PTPRG: variants seen among roughly 807,000 people sequenced by gnomAD.
PTPRG encodes protein tyrosine phosphatase receptor type G.
In PTPRG, 102 loss-of-function variants were observed where a neutral mutation model predicts 165.3. That is an observed-to-expected ratio of 0.62 (90% confidence interval 0.53 to 0.73). PTPRG has a LOEUF of 0.73. Among genes scored for constraint, PTPRG ranks in the 30% least tolerant of loss-of-function variants. The probability of loss-of-function intolerance (pLI) is 0.00; values close to 1 mark genes in which losing one functional copy is unlikely to be tolerated. For missense variants in PTPRG, 1,866 were observed against 1,861.4 expected (o/e 1.00, Z -0.05); for synonymous variants, 675 against 669.5 (o/e 1.01, Z -0.13).
At chr3:61,743,498 C>A (rs2033082477) in intron 1 of PTPRG, among the ~76,000 whole-genome samples, 1 of 149,528 alleles carries the variant, frequency 6.7e-6, no homozygotes, top group East Asian at 2.4e-4. Context: ...TTTGTCAGGC[C>A]ATGGGTGTCT....
intron 4 of PTPRG, among the ~76,000 whole-genome samples, chr3:62,030,899 G>T (rs763182027): frequency 6.6e-6 from 1 of 152,196 alleles, no homozygotes; most frequent in Non-Finnish European, 1.5e-5. Context: ...ATCTAAAGCA[G>T]ATGCTTTAGA....
intron 28 of PTPRG, 52 bp from the exon 29 acceptor site, chr3:62,292,369 T>G: frequency 6.4e-7 from 1 of 1,554,790 alleles, no homozygotes; most frequent in Non-Finnish European, 8.7e-7. Flanking sequence ...CATTTCAATA[T>G]ATTTGGTCCC....
At position 62,146,996 on chromosome 3, in the gene PTPRG, T is replaced by C. The variant is rs544222721; in HGVS notation, c.683-10071T>C. Among the ~76,000 whole-genome samples the C allele has an allele frequency of 1.9e-4, 29 of 152,330 alleles. 1 individual carries two copies. The South Asian group carries it at 5.8e-3, about 30-fold the overall frequency. The stretch of plus-strand genomic sequence containing the variant: ...GTGCTGGGGATAAGGTCAGGAGGCA[T>C]GGTCTTGCTGTAACAGAGCCTACAA... On this transcript the variant is annotated intron_variant, in intron 6 of 29. Coordinates refer to ENST00000474889, the MANE Select transcript of PTPRG (RefSeq NM_002841.4).
At chr3:62,150,009 A>T (rs910765394) in intron 6 of PTPRG, among the ~76,000 whole-genome samples, 1 of 152,022 alleles carries the variant, frequency 6.6e-6, no homozygotes, top group Non-Finnish European at 1.5e-5. Flanking sequence ...TCTTCTCCCC[A>T]TGTAGCCATG....
chr3:62,049,600 C>T (rs1226088498), intron 4 of PTPRG, among the ~76,000 whole-genome samples: 1 of 151,984 alleles, frequency 6.6e-6, no homozygotes, highest in Non-Finnish European at 1.5e-5. Flanking sequence ...CTAGATAAGT[C>T]GCAAAAGATG....
At chr3:62,206,330 A>T (rs1455143148) in intron 12 of PTPRG, among the ~76,000 whole-genome samples, 1 of 152,160 alleles carries the variant, frequency 6.6e-6, no homozygotes, top group Non-Finnish European at 1.5e-5. Context: ...ATCTGAGAGC[A>T]TCTACAATCT....
At chr3:61,671,259 T>C (rs577192032) in intron 1 of PTPRG, among the ~76,000 whole-genome samples, 3 of 151,578 alleles carry the variant, frequency 2.0e-5, no homozygotes, top group South Asian at 4.2e-4. Flanking sequence ...CAAAGGTCTC[T>C]GGTTTTCCTA....
At chr3:62,197,325 C>T (rs1296201853) in intron 10 of PTPRG, among the ~76,000 whole-genome samples, 1 of 152,052 alleles carries the variant, frequency 6.6e-6, no homozygotes, top group Non-Finnish European at 1.5e-5. Context: ...AATAATAAAC[C>T]TAGGATTAGA....
intron 2 of PTPRG, chr3:61,753,757 AGC>A: frequency 2.9e-6 from 1 of 340,672 alleles, no homozygotes. Flanking sequence ...TCACACTCCC[AGC>A]TAATTTGTGT....
At chr3:62,079,408 T>G (rs1389240204) in intron 5 of PTPRG, among the ~76,000 whole-genome samples, 1 of 152,220 alleles carries the variant, frequency 6.6e-6, no homozygotes, top group Non-Finnish European at 1.5e-5. Context: ...TGAAATTATT[T>G]CAGTAAGTTC....
intron 2 of PTPRG, among the ~76,000 whole-genome samples, chr3:61,895,312 A>T (rs1473795810): frequency 6.6e-6 from 1 of 152,202 alleles, no homozygotes; most frequent in Non-Finnish European, 1.5e-5. Flanking sequence ...AGTAGCCACA[A>T]AGAGCTGAAC....
intron 2 of PTPRG, among the ~76,000 whole-genome samples, chr3:61,957,192 T>A (rs1384267758): frequency 3.3e-5 from 5 of 152,132 alleles, no homozygotes; most frequent in African/African-American, 1.2e-4. Context: ...AGGAGAGGCA[T>A]ACACACACAC....
At chr3:61,833,903 G>C (rs1430746942) in intron 2 of PTPRG, among the ~76,000 whole-genome samples, 1 of 152,160 alleles carries the variant, frequency 6.6e-6, no homozygotes, top group African/African-American at 2.4e-5. Flanking sequence ...TCTTTGAAAG[G>C]AGAGCTCTGT....
At chr3:62,286,670 C>T (rs1437804637) in intron 28 of PTPRG, among the ~76,000 whole-genome samples, 1 of 151,776 alleles carries the variant, frequency 6.6e-6, no homozygotes, top group Non-Finnish European at 1.5e-5. Flanking sequence ...GGGTTTTTTT[C>T]TTAACATCAC....
intron 2 of PTPRG, among the ~76,000 whole-genome samples, chr3:61,931,842 C>G (rs918626746): frequency 6.6e-6 from 1 of 152,172 alleles, no homozygotes; most frequent in Non-Finnish European, 1.5e-5. Context: ...GATGTTATGA[C>G]AAACTCTCAT....
At chr3:62,126,412 C>T (rs373520954) in intron 5 of PTPRG, among the ~76,000 whole-genome samples, 26 of 152,250 alleles carry the variant, frequency 1.7e-4, no homozygotes, top group African/African-American at 5.5e-4. Flanking sequence ...AAGCCATGTC[C>T]GTGCTCAAGC....
intron 2 of PTPRG, among the ~76,000 whole-genome samples, chr3:61,880,643 A>AAAG (rs1553685720): frequency 6.7e-6 from 1 of 150,200 alleles, no homozygotes; most frequent in African/African-American, 2.5e-5. Context: ...AAAAAAAAAA[A>AAAG]AGAGAGAGAC....
intron 1 of PTPRG, among the ~76,000 whole-genome samples, chr3:61,566,440 C>G (rs1294953002): frequency 6.6e-6 from 1 of 152,224 alleles, no homozygotes; most frequent in Non-Finnish European, 1.5e-5. Context: ...CGTGAGATCA[C>G]TTAAAATGCC....
intron 8 of PTPRG, among the ~76,000 whole-genome samples, chr3:62,188,097 G>A (rs1699709414): frequency 6.6e-6 from 1 of 152,216 alleles, no homozygotes; most frequent in Non-Finnish European, 1.5e-5. Context: ...TCTAGGGCCA[G>A]TCATGGTGGC....
Sources: allele counts gnomAD v4.1 joint callset (sites outside exome capture counted in the v4.1 genomes callset), GRCh38; gene constraint gnomAD v4.1.1; transcripts MANE v1.5; gene names NCBI Gene and HGNC (gene_info 2026-07-23, HGNC 2026-07-21).